The following DIS3L2 variants were observed in gnomAD, a reference collection of about 807,000 sequenced individuals.
DIS3L2 encodes DIS3 like 3'-5' exoribonuclease 2.
Under a neutral mutation model 97.5 loss-of-function variants are expected in DIS3L2, and 34 were observed. The ratio of observed to expected loss-of-function variants is 0.35; its 90% CI spans 0.27 to 0.46. DIS3L2 has a LOEUF of 0.46. Among genes scored for constraint, DIS3L2 ranks in the 20% least tolerant of loss-of-function variants. The pLI, the probability that DIS3L2 is intolerant of heterozygous loss-of-function variation, is 1.00. For missense variants in DIS3L2, 1,038 were observed against 1,146.0 expected (o/e 0.91, Z 1.36); for synonymous variants, 435 against 445.2 (o/e 0.98, Z 0.29).
At chr2:232,261,603 C>T (rs1222555670) in intron 12 of DIS3L2, among the ~76,000 whole-genome samples, 1 of 152,212 alleles carries the variant, frequency 6.6e-6, no homozygotes, top group African/African-American at 2.4e-5. Flanking sequence ...GAGCCCTCCT[C>T]ACAGCGTCTC....
intron 6 of DIS3L2, among the ~76,000 whole-genome samples, chr2:232,118,873 ATTG>A (rs1697808776): frequency 6.6e-6 from 1 of 152,192 alleles, no homozygotes; most frequent in East Asian, 1.9e-4. Context: ...TGAGTAGTGC[ATTG>A]TTGTGTTTTT....
At chr2:232,013,260 G>C (rs1303432596) in intron 1 of DIS3L2, among the ~76,000 whole-genome samples, 1 of 152,182 alleles carries the variant, frequency 6.6e-6, no homozygotes, top group Non-Finnish European at 1.5e-5. Context: ...AGATGACTCT[G>C]AGTCCTGTAC....
intron 1 of DIS3L2, among the ~76,000 whole-genome samples, chr2:232,012,056 C>T (rs960755491): frequency 3.3e-5 from 5 of 152,174 alleles, no homozygotes; most frequent in African/African-American, 1.2e-4. Context: ...CCTAGCTGTC[C>T]AGCTTATTCT....
chr2:232,248,567 A>C (rs1350586484), intron 11 of DIS3L2, among the ~76,000 whole-genome samples: 1 of 152,250 alleles, frequency 6.6e-6, no homozygotes, highest in African/African-American at 2.4e-5. Context: ...AACAGTTTTT[A>C]ATTAAAGAGT....
At chr2:232,224,229 G>T (rs1400027251) in intron 10 of DIS3L2, among the ~76,000 whole-genome samples, 1 of 152,194 alleles carries the variant, frequency 6.6e-6, no homozygotes, top group African/African-American at 2.4e-5. Flanking sequence ...TAGCAAAGAT[G>T]TTACTGCTGT....
At chr2:232,145,153 T>C (rs1039564859) in intron 8 of DIS3L2, among the ~76,000 whole-genome samples, 5 of 152,244 alleles carry the variant, frequency 3.3e-5, no homozygotes, top group Non-Finnish European at 7.3e-5. Context: ...ATTGGGCTGT[T>C]TGTCATTTGA....
intron 1 of DIS3L2, among the ~76,000 whole-genome samples, chr2:231,976,998 A>G (rs953134556): frequency 1.3e-5 from 2 of 151,516 alleles, no homozygotes. Flanking sequence ...CTATCTCCTG[A>G]CCTCGTGATC....
At chr2:232,329,785 T>TGCCCGGGGGGGG in intron 14 of DIS3L2, 28 bp from the exon 15 acceptor site, 416 of 966,796 alleles carry the variant, frequency 4.3e-4, no homozygotes, top group Non-Finnish European at 5.3e-4. Flanking sequence ...ACCCCAGCGG[T>TGCCCGGGGGGGG]CCCTCCCATC....
intron 1 of DIS3L2, among the ~76,000 whole-genome samples, chr2:231,966,417 G>A (rs903198544): frequency 2.0e-5 from 3 of 151,158 alleles, no homozygotes; most frequent in African/African-American, 4.9e-5. Flanking sequence ...CAATCCACCC[G>A]CCTTGCCCTC....
chr2:232,300,603 G>A (rs1256816320), intron 14 of DIS3L2, among the ~76,000 whole-genome samples: 1 of 151,428 alleles, frequency 6.6e-6, no homozygotes, highest in East Asian at 1.9e-4. Context: ...TGGAAAGGTG[G>A]CACCTTGCAT....
At chr2:232,051,837 A>C (rs1695415402) in intron 5 of DIS3L2, among the ~76,000 whole-genome samples, 1 of 149,954 alleles carries the variant, frequency 6.7e-6, no homozygotes, top group Non-Finnish European at 1.5e-5. Context: ...AAAAAAAAAA[A>C]AAGAACTAGC....
chr2:232,036,323 T>G (rs957411122), intron 5 of DIS3L2, among the ~76,000 whole-genome samples: 1 of 152,250 alleles, frequency 6.6e-6, no homozygotes, highest in African/African-American at 2.4e-5. Context: ...CTACTGATAC[T>G]TGTATATGCT....
chr2:232,041,163 G>A (rs1025830731), intron 5 of DIS3L2, among the ~76,000 whole-genome samples: 1 of 152,058 alleles, frequency 6.6e-6, no homozygotes, highest in Non-Finnish European at 1.5e-5. Flanking sequence ...TGAGAATGAG[G>A]GAGAACCTTA....
At chr2:232,140,771 A>G (rs1157741471) in intron 8 of DIS3L2, among the ~76,000 whole-genome samples, 3 of 152,208 alleles carry the variant, frequency 2.0e-5, no homozygotes, top group Non-Finnish European at 4.4e-5. Context: ...GGGGCAGCTC[A>G]AAGAGTATTA....
At chr2:232,168,935 T>C (rs1243626147) in intron 9 of DIS3L2, among the ~76,000 whole-genome samples, 2 of 152,182 alleles carry the variant, frequency 1.3e-5, no homozygotes, top group African/African-American at 4.8e-5. Flanking sequence ...CAAAAATATT[T>C]ATGGAACACC....
At chr2:232,114,510 A>G (rs1697641873) in intron 6 of DIS3L2, among the ~76,000 whole-genome samples, 2 of 152,226 alleles carry the variant, frequency 1.3e-5, no homozygotes, top group South Asian at 4.1e-4. Context: ...TTTGAGTTTC[A>G]TAGGGGACAT....
intron 1 of DIS3L2, among the ~76,000 whole-genome samples, chr2:232,008,773 A>G (rs892935669): frequency 1.3e-5 from 2 of 152,192 alleles, no homozygotes; most frequent in African/African-American, 2.4e-5. Context: ...TATTAGCCTG[A>G]TCAGTTGTGG....
chr2:232,141,142 T>C (rs1167158264), intron 8 of DIS3L2, among the ~76,000 whole-genome samples: 5 of 152,178 alleles, frequency 3.3e-5, no homozygotes, highest in Admixed American at 2.6e-4. Flanking sequence ...TTAGAAACTC[T>C]TGCAGTGGAA....
At chr2:232,195,373 G>A (rs1691724545) in intron 9 of DIS3L2, among the ~76,000 whole-genome samples, 1 of 152,172 alleles carries the variant, frequency 6.6e-6, no homozygotes, top group Admixed American at 6.5e-5. Flanking sequence ...GCTAAAACAG[G>A]TAGAGTTTTA....
Sources: allele counts gnomAD v4.1 joint callset (sites outside exome capture counted in the v4.1 genomes callset), GRCh38; gene constraint gnomAD v4.1.1; transcripts MANE v1.5; gene names NCBI Gene and HGNC (gene_info 2026-07-23, HGNC 2026-07-21).